The following GRM7 variants were observed in gnomAD, a reference collection of about 807,000 sequenced individuals.
GRM7 encodes the protein metabotropic glutamate receptor 7.
A neutral mutation model predicts 84.5 loss-of-function variants in GRM7; 35 were observed. The observed-to-expected ratio is 0.41, with a 90% CI of 0.32 to 0.55. GRM7 has a LOEUF of 0.55. Ranked by LOEUF, GRM7 falls within the 20% of genes least tolerant of loss-of-function variation. The pLI, the probability that GRM7 is intolerant of heterozygous loss-of-function variation, is 0.19. For missense variants in GRM7, 1,003 were observed against 1,194.6 expected, an observed-to-expected ratio of 0.84 and a Z score of 2.36; for synonymous variants, 487 against 455.1, an observed-to-expected ratio of 1.07 and a Z score of -0.89.
At chr3:7,096,198 C>A (rs191809147) in intron 1 of GRM7, among the ~76,000 whole-genome samples, 4 of 152,180 alleles carry the variant, frequency 2.6e-5, no homozygotes, top group Admixed American at 6.6e-5. Flanking sequence ...ACTAATGTGA[C>A]ACCAGCTGGG....
intron 2 of GRM7, among the ~76,000 whole-genome samples, chr3:7,195,161 C>G (rs1695838105): frequency 1.3e-5 from 2 of 152,122 alleles, no homozygotes; most frequent in South Asian, 2.1e-4. Context: ...ATTGTTCATG[C>G]TATTTTTAAA....
intron 2 of GRM7, among the ~76,000 whole-genome samples, chr3:7,201,571 A>G (rs1360220258): frequency 2.0e-5 from 3 of 152,186 alleles, no homozygotes; most frequent in South Asian, 4.1e-4. Context: ...GGCCATTGCT[A>G]TACTGTCTTG....
chr3:7,588,889 T>C (rs1324657327), intron 8 of GRM7, among the ~76,000 whole-genome samples: 1 of 152,218 alleles, frequency 6.6e-6, no homozygotes, highest in African/African-American at 2.4e-5. Context: ...AGGACTTAGA[T>C]TGTTTCCAAA....
At chr3:6,974,484 C>T (rs1010105127) in intron 1 of GRM7, among the ~76,000 whole-genome samples, 1 of 152,086 alleles carries the variant, frequency 6.6e-6, no homozygotes, top group Non-Finnish European at 1.5e-5. Context: ...AAATAGAAGA[C>T]ACGTGAGAAC....
At chr3:7,354,879 G>C (rs186805584) in intron 4 of GRM7, among the ~76,000 whole-genome samples, 3 of 152,166 alleles carry the variant, frequency 2.0e-5, no homozygotes, top group African/African-American at 7.2e-5. Context: ...AACTGGCAAG[G>C]CCAGCAATAT....
chr3:7,673,157 C>T (rs747483182), intron 8 of GRM7, among the ~76,000 whole-genome samples: 55 of 152,140 alleles, frequency 3.6e-4, no homozygotes, highest in Non-Finnish European at 7.1e-4. Flanking sequence ...ATCCCAACAG[C>T]GTTATGAGAT....
At chr3:6,915,630 A>G (rs1005932330) in intron 1 of GRM7, among the ~76,000 whole-genome samples, 2 of 152,212 alleles carry the variant, frequency 1.3e-5, no homozygotes, top group African/African-American at 2.4e-5. Flanking sequence ...CAAAATACAG[A>G]AACTTTCTTT....
chr3:7,266,387 C>T (rs777243220), intron 2 of GRM7, among the ~76,000 whole-genome samples: 1 of 152,160 alleles, frequency 6.6e-6, no homozygotes, highest in Non-Finnish European at 1.5e-5. Flanking sequence ...AACGTAAAAT[C>T]ACGTCATGGT....
intron 8 of GRM7, among the ~76,000 whole-genome samples, chr3:7,672,111 C>T (rs929065214): frequency 3.3e-5 from 5 of 151,546 alleles, no homozygotes; most frequent in African/African-American, 1.2e-4. Flanking sequence ...TTTTTTTTTC[C>T]ATTATATACT....
intron 4 of GRM7, among the ~76,000 whole-genome samples, chr3:7,308,786 G>A (rs9862478): frequency 0.67 from 102,015 of 151,820 alleles, 36,014 homozygotes; most frequent in African/African-American, 0.9. Context: ...CCTAGGCTGT[G>A]GATGCCATGT....
chr3:7,182,997 A>G (rs180969639), intron 2 of GRM7, among the ~76,000 whole-genome samples: 3 of 148,958 alleles, frequency 2.0e-5, no homozygotes, highest in East Asian at 4.0e-4. Flanking sequence ...CAGCATGGTG[A>G]GTACAGATAG....
chr3:7,649,064 T>C (rs569923106), intron 8 of GRM7, among the ~76,000 whole-genome samples: 1 of 152,060 alleles, frequency 6.6e-6, no homozygotes, highest in Admixed American at 6.5e-5. Flanking sequence ...TCAGATGAAA[T>C]TCAGATTTTC....
chr3:7,657,338 C>T (rs908512951), intron 8 of GRM7, among the ~76,000 whole-genome samples: 6 of 152,066 alleles, frequency 3.9e-5, no homozygotes, highest in Non-Finnish European at 4.4e-5. Flanking sequence ...TGGTTAGAAA[C>T]CAAAGGAAAT....
intron 9 of GRM7, chr3:7,691,001 T>C (rs1402751622): frequency 5.5e-6 from 2 of 363,428 alleles, no homozygotes; most frequent in Non-Finnish European, 5.4e-6. Flanking sequence ...CCCTTGTGAC[T>C]CGTTTCCATC....
In GRM7 at chr3:7,588,185, G is replaced by A. The variant is rs78701793; in HGVS notation, c.2451+8828G>A. ...CCTTGTTTTGGTATATTCTTAGCAC[G>A]TTACCACAACACTAGTTTCTTCTGA... is the stretch of plus-strand genomic sequence containing the variant. On this transcript the variant is annotated intron_variant, in intron 8 of 9. Transcript: ENST00000357716. Among the ~76,000 whole-genome samples the A allele has an allele frequency of 4.4e-3, 672 of 152,184 alleles. 3 individuals carry two copies. Among genetic ancestry groups the A allele is most frequent in the African/African-American group, 0.015 (627 of 41,482 alleles).
chr3:7,590,900 A>C (rs9876190), intron 8 of GRM7, among the ~76,000 whole-genome samples: 15,861 of 152,176 alleles, frequency 0.1, 997 homozygotes, highest in African/African-American at 0.17. Context: ...TTAAAATGAA[A>C]GTACCTTAAA....
chr3:7,531,651 T>A (rs1246533033), intron 7 of GRM7, among the ~76,000 whole-genome samples: 4 of 152,196 alleles, frequency 2.6e-5, no homozygotes, highest in African/African-American at 7.2e-5. Flanking sequence ...GCATATTGAT[T>A]TTTTATCCTG....
intron 7 of GRM7, among the ~76,000 whole-genome samples, chr3:7,537,490 C>G (rs764415579): frequency 1.1e-4 from 16 of 152,238 alleles, no homozygotes; most frequent in Admixed American, 2.6e-4. Context: ...GAAAATCTTC[C>G]GAAAATAAAT....
intron 2 of GRM7, among the ~76,000 whole-genome samples, chr3:7,225,860 C>T (rs1222633156): frequency 2.0e-5 from 3 of 152,016 alleles, no homozygotes. Context: ...AATATCACCT[C>T]ATTTAATAAT....
Sources: allele counts gnomAD v4.1 joint callset (sites outside exome capture counted in the v4.1 genomes callset), GRCh38; gene constraint gnomAD v4.1.1; transcripts MANE v1.5; gene names NCBI Gene and HGNC (gene_info 2026-07-23, HGNC 2026-07-21).